Variants in SLC2A13 observed in about 807,000 individuals in gnomAD.
SLC2A13 encodes proton myo-inositol cotransporter.
Under a neutral mutation model 64.4 loss-of-function variants are expected in SLC2A13, and 32 were observed. The ratio of observed to expected loss-of-function variants is 0.50; its 90% confidence interval spans 0.37 to 0.67. SLC2A13 has a LOEUF of 0.67. Ranked by LOEUF, SLC2A13 falls within the 30% of genes least tolerant of loss-of-function variation. The probability of loss-of-function intolerance (pLI) is 0.00; values close to 1 mark genes in which losing one functional copy is unlikely to be tolerated. For synonymous variants in SLC2A13, 338 were observed against 327.1 expected (o/e 1.03, Z -0.36); for missense variants, 743 against 829.2 (o/e 0.90, Z 1.28).
intron 1 of SLC2A13, among the ~76,000 whole-genome samples, chr12:40,089,909 G>T (rs1273246379): frequency 6.6e-6 from 1 of 152,130 alleles, no homozygotes; most frequent in Non-Finnish European, 1.5e-5. Context: ...CAGAGCTGAA[G>T]GACTGAGCGC....
chr12:40,002,848 T>TAAA (rs34891399), intron 3 of SLC2A13, among the ~76,000 whole-genome samples: 1 of 148,850 alleles, frequency 6.7e-6, no homozygotes, highest in Non-Finnish European at 1.5e-5. Flanking sequence ...TATATTCCCC[T>TAAA]AAAAAAAAAA....
intron 9 of SLC2A13, 99 bp from the exon 10 acceptor site, chr12:39,760,351 T>C: frequency 9.1e-7 from 1 of 1,097,704 alleles, no homozygotes; most frequent in Non-Finnish European, 1.3e-6. Flanking sequence ...TGGTCAGTCA[T>C]GCATAATCAC....
At chr12:39,824,497 C>A (rs149963326) in intron 7 of SLC2A13, among the ~76,000 whole-genome samples, 1 of 152,164 alleles carries the variant, frequency 6.6e-6, no homozygotes, top group South Asian at 2.1e-4. Context: ...TGTGTTCAAT[C>A]GGAGTCAGTT....
chr12:39,819,061 A>G (rs973947730), intron 7 of SLC2A13, among the ~76,000 whole-genome samples: 1 of 152,202 alleles, frequency 6.6e-6, no homozygotes, highest in Non-Finnish European at 1.5e-5. Context: ...CACAGAAGGG[A>G]AAACAGTATA....
At chr12:39,919,011 C>T (rs1353075283) in intron 4 of SLC2A13, among the ~76,000 whole-genome samples, 3 of 151,584 alleles carry the variant, frequency 2.0e-5, no homozygotes, top group Admixed American at 2.0e-4. Flanking sequence ...AGGTCTTGCT[C>T]TGTTGTCCAG....
chr12:39,794,460 C>T (rs1315914423), intron 7 of SLC2A13, among the ~76,000 whole-genome samples: 1 of 152,170 alleles, frequency 6.6e-6, no homozygotes, highest in Non-Finnish European at 1.5e-5. Context: ...ACATAATTAA[C>T]TATAACGCAA....
rs146764463 is a variant in SLC2A13, at chr12:39,923,977, CTA to C, written c.1034+27278_1034+27279del. 7.8e-3 allele frequency among the ~76,000 whole-genome samples: 1,192 copies of C among 152,074 alleles called. 18 individuals carry two copies. The highest frequency in any genetic ancestry group is 0.027 in the African/African-American group (1,135 of 41,510). ...CATTCTTTTCACTAAAATAATAGTT[CTA>C]TGTTTCTTGAAGGCTTTTATACTTA... On this transcript the variant is annotated intron_variant, in intron 4 of 9. Coordinates refer to ENST00000280871, the MANE Select transcript of SLC2A13 (RefSeq NM_052885.4).
chr12:39,886,612 T>C (rs1944472200), intron 4 of SLC2A13, among the ~76,000 whole-genome samples: 1 of 152,144 alleles, frequency 6.6e-6, no homozygotes, highest in Non-Finnish European at 1.5e-5. Context: ...TTAAATGTTT[T>C]GGTGTGTTTG....
At chr12:40,093,908 T>C (rs1320918208) in intron 1 of SLC2A13, among the ~76,000 whole-genome samples, 2 of 152,100 alleles carry the variant, frequency 1.3e-5, no homozygotes. Flanking sequence ...AGAAGTGGCA[T>C]AGTCTGATTT....
intron 4 of SLC2A13, among the ~76,000 whole-genome samples, chr12:39,912,731 T>C (rs1461262981): frequency 6.6e-6 from 1 of 152,078 alleles, no homozygotes; most frequent in Non-Finnish European, 1.5e-5. Context: ...AGCCCTGCCA[T>C]AGTGTGGGGC....
At chr12:40,010,846 G>A (rs575268586) in intron 3 of SLC2A13, among the ~76,000 whole-genome samples, 30 of 152,240 alleles carry the variant, frequency 2.0e-4, no homozygotes, top group African/African-American at 6.7e-4. Context: ...CCAACAGACC[G>A]CATCACAAGT....
chr12:40,034,051 G>T (rs1947942163), intron 2 of SLC2A13, among the ~76,000 whole-genome samples: 1 of 152,096 alleles, frequency 6.6e-6, no homozygotes, highest in Non-Finnish European at 1.5e-5. Context: ...GCCTTACACT[G>T]GAAGATCTAT....
At chr12:40,043,090 T>A (rs1453261611) in intron 2 of SLC2A13, among the ~76,000 whole-genome samples, 12 of 152,098 alleles carry the variant, frequency 7.9e-5, no homozygotes. Flanking sequence ...ATGGATTGGG[T>A]ACTACAAGCC....
chr12:39,923,336 T>C (rs558196662), intron 4 of SLC2A13, among the ~76,000 whole-genome samples: 1 of 152,318 alleles, frequency 6.6e-6, no homozygotes, highest in South Asian at 2.1e-4. Context: ...AGGAACAAAG[T>C]TCTGATACAT....
At chr12:39,912,884 C>T (rs1230118394) in intron 4 of SLC2A13, among the ~76,000 whole-genome samples, 3 of 152,008 alleles carry the variant, frequency 2.0e-5, no homozygotes, top group Non-Finnish European at 2.9e-5. Flanking sequence ...ACAACATAGC[C>T]GTTGAACAAA....
chr12:40,056,301 CTGG>C (rs1472484796), intron 1 of SLC2A13, among the ~76,000 whole-genome samples: 1 of 151,882 alleles, frequency 6.6e-6, no homozygotes, highest in Non-Finnish European at 1.5e-5. Flanking sequence ...GAGAACAACA[CTGG>C]ATGAGAAAGG....
rs145038154 is a variant in SLC2A13, at chr12:39,894,689, A to T, written c.1035-22728T>A. 4.9e-3 allele frequency among the ~76,000 whole-genome samples: 744 copies of T among 152,334 alleles called. 3 individuals are homozygous for T. Among genetic ancestry groups the T allele is most frequent in the Non-Finnish European group, 7.7e-3 (524 of 68,024 alleles). On this transcript the variant is annotated intron_variant, in intron 4 of 9. Transcript: ENST00000280871. ...AGGTCAGGGCCAACAGCTAAAGCAG[A>T]TATGATCAATCATTAAGTTCAAAGT...
At chr12:40,075,123 T>C (rs563121280) in intron 1 of SLC2A13, among the ~76,000 whole-genome samples, 1 of 152,274 alleles carries the variant, frequency 6.6e-6, no homozygotes, top group African/African-American at 2.4e-5. Flanking sequence ...CCCTTCCTTG[T>C]GCCAGAAGCA....
intron 4 of SLC2A13, among the ~76,000 whole-genome samples, chr12:39,922,833 G>A (rs1347858941): frequency 6.6e-6 from 1 of 152,164 alleles, no homozygotes; most frequent in Non-Finnish European, 1.5e-5. Flanking sequence ...GCAAAAGCTT[G>A]TCTTGCAAAA....
Sources: gnomAD v4.1 joint callset for allele counts (sites outside exome capture counted in the v4.1 genomes callset) on GRCh38, gnomAD v4.1.1 for gene constraint, MANE v1.5 for transcripts, NCBI Gene and HGNC (gene_info 2026-07-23, HGNC 2026-07-21) for gene names.